Variants in MSRA observed in about 807,000 individuals in gnomAD.
MSRA encodes the protein mitochondrial peptide methionine sulfoxide reductase.
Under a neutral mutation model 31.3 loss-of-function variants are expected in MSRA, and 54 were observed. That is an observed-to-expected ratio of 1.73 (90% confidence interval 1.39 to 2.17). MSRA has a LOEUF of 2.17. Among genes scored for constraint, MSRA ranks in the 30% most tolerant of loss-of-function variants. The pLI is 0.00. For synonymous variants in MSRA, 169 were observed against 116.5 expected, an observed-to-expected ratio of 1.45 and a Z score of -2.90; for missense variants, 507 against 300.9, an observed-to-expected ratio of 1.69 and a Z score of -5.07.
At chr8:10,247,291 A>T (rs542567762) in intron 3 of MSRA, among the ~76,000 whole-genome samples, 213 of 152,274 alleles carry the variant, frequency 1.4e-3, no homozygotes, top group Non-Finnish European at 2.7e-3. Context: ...ACCTAAGGTC[A>T]TACCTAGCAG....
At chr8:10,218,313 T>G (rs1038123582) in intron 2 of MSRA, among the ~76,000 whole-genome samples, 35 of 151,960 alleles carry the variant, frequency 2.3e-4, no homozygotes, top group Non-Finnish European at 4.3e-4. Flanking sequence ...ACCTAGCCAA[T>G]TTTTGTATTT....
At chr8:10,386,216 AG>A (rs1368946228) in intron 5 of MSRA, among the ~76,000 whole-genome samples, 1 of 152,172 alleles carries the variant, frequency 6.6e-6, no homozygotes, top group East Asian at 1.9e-4. Flanking sequence ...GACCTCGGAG[AG>A]GGGAAACGAT....
chr8:10,235,495 C>G lies in MSRA; in HGVS notation c.212-9609C>G, dbSNP rs74779700. On this transcript the variant is annotated intron_variant, in intron 2 of 5. Coordinates refer to ENST00000317173, the MANE Select transcript of MSRA (RefSeq NM_012331.5). ...ATCAAGAAGGTAGGAAATGAGCAGA[C>G]TAACAGACCAAAAAGTAAACTGCAA... Among the ~76,000 whole-genome samples, 384 of 152,018 alleles carry G rather than the reference C, an allele frequency of 2.5e-3. 3 individuals carry two copies. Among genetic ancestry groups the G allele is most frequent in the African/African-American group, 8.5e-3 (352 of 41,498 alleles).
intron 2 of MSRA, among the ~76,000 whole-genome samples, chr8:10,211,287 G>A (rs1444470861): frequency 3.3e-5 from 5 of 152,240 alleles, no homozygotes; most frequent in Non-Finnish European, 5.9e-5. Context: ...ACTGTCGCTG[G>A]CATACAGTCT....
intron 5 of MSRA, among the ~76,000 whole-genome samples, chr8:10,424,036 C>T (rs958189933): frequency 4.6e-5 from 7 of 152,250 alleles, no homozygotes; most frequent in Non-Finnish European, 8.8e-5. Context: ...AATGCAGCGT[C>T]ATCAGCGCTG....
At chr8:10,423,192 C>A (rs760659032) in intron 5 of MSRA, among the ~76,000 whole-genome samples, 1 of 152,158 alleles carries the variant, frequency 6.6e-6, no homozygotes, top group African/African-American at 2.4e-5. Context: ...GGGTCCCCAC[C>A]CTCTTCCTCC....
intron 1 of MSRA, among the ~76,000 whole-genome samples, chr8:10,189,369 C>A (rs1278500882): frequency 6.6e-6 from 1 of 151,956 alleles, no homozygotes; most frequent in East Asian, 1.9e-4. Flanking sequence ...CTGACTAGGA[C>A]CTCACTACAA....
intron 1 of MSRA, among the ~76,000 whole-genome samples, chr8:10,159,218 G>A (rs75667500): frequency 1.3e-5 from 2 of 152,168 alleles, no homozygotes; most frequent in African/African-American, 2.4e-5. Flanking sequence ...ATTGGGGAGC[G>A]CTGAAACTGC....
chr8:10,283,602 C>T (rs1202658465), intron 3 of MSRA, among the ~76,000 whole-genome samples: 1 of 151,286 alleles, frequency 6.6e-6, no homozygotes, highest in Non-Finnish European at 1.5e-5. Context: ...CCTCCTCTTT[C>T]CCCCTGAGTC....
At chr8:10,129,549 T>C (rs1292773122) in intron 1 of MSRA, among the ~76,000 whole-genome samples, 1 of 152,014 alleles carries the variant, frequency 6.6e-6, no homozygotes, top group Admixed American at 6.6e-5. Flanking sequence ...AGCAGGACCT[T>C]GAGGAAGAGA....
intron 5 of MSRA, among the ~76,000 whole-genome samples, chr8:10,349,422 T>C (rs1181008810): frequency 1.3e-5 from 2 of 152,166 alleles, no homozygotes; most frequent in Non-Finnish European, 2.9e-5. Flanking sequence ...TTTTCCTTTT[T>C]TGTTTATTCT....
At chr8:10,212,263 A>T (rs914216553) in intron 2 of MSRA, among the ~76,000 whole-genome samples, 7 of 152,200 alleles carry the variant, frequency 4.6e-5, no homozygotes, top group Non-Finnish European at 7.3e-5. Flanking sequence ...CGAGAGTAAA[A>T]AGAGTGCTGT....
chr8:10,110,757 C>A (rs571335566), intron 1 of MSRA, among the ~76,000 whole-genome samples: 1 of 152,172 alleles, frequency 6.6e-6, no homozygotes, highest in Non-Finnish European at 1.5e-5. Flanking sequence ...TGTGGTGCTG[C>A]GATCTTTCTA....
chr8:10,369,707 A>G lies in MSRA; in HGVS notation c.543+49718A>G, dbSNP rs547060132. Among the ~76,000 whole-genome samples the G allele has an allele frequency of 7.2e-5, 11 of 152,354 alleles. No homozygotes were observed. In the East Asian group the frequency reaches 2.1e-3, roughly 29 times the overall value. On this transcript the variant is annotated intron_variant, in intron 5 of 5. Transcript: ENST00000317173. ...AATACGGGATAGGTAATGTTCATTA[A>G]TAGTCATTCTATTTGTGCATCATTG...
chr8:10,217,233 A>T (rs1810072437), intron 2 of MSRA, among the ~76,000 whole-genome samples: 1 of 152,226 alleles, frequency 6.6e-6, no homozygotes, highest in South Asian at 2.1e-4. Context: ...AGGACACTAT[A>T]TGTACTACAA....
In MSRA at chr8:10,244,900, T is replaced by C. The variant is rs113320351; in HGVS notation, c.212-204T>C. On this transcript the variant is annotated intron_variant, in intron 2 of 5. Transcript: ENST00000317173. ...TTTGCACAGCTAAAGCAAAGAGATATTCTATGCAAATAATTGTAAATAAAA... is the reference window on the plus strand; with the variant it reads ...TTTGCACAGCTAAAGCAAAGAGATACTCTATGCAAATAATTGTAAATAAAA... 7.9e-3 allele frequency among the ~76,000 whole-genome samples: 1,197 copies of C among 152,304 alleles called. 18 individuals are homozygous for C. Among genetic ancestry groups the C allele is most frequent in the African/African-American group, 0.028 (1,150 of 41,570 alleles).
At chr8:10,256,802 C>A (rs1310075466) in intron 3 of MSRA, among the ~76,000 whole-genome samples, 1 of 152,140 alleles carries the variant, frequency 6.6e-6, no homozygotes, top group Non-Finnish European at 1.5e-5. Context: ...CTCTGACCCC[C>A]TGAGTTTCAG....
intron 5 of MSRA, among the ~76,000 whole-genome samples, chr8:10,391,850 C>T (rs558779597): frequency 4.6e-5 from 7 of 152,312 alleles, no homozygotes; most frequent in African/African-American, 1.7e-4. Context: ...CTTTTAAATA[C>T]CGCATTTCAC....
intron 1 of MSRA, among the ~76,000 whole-genome samples, chr8:10,160,797 G>T (rs1804572360): frequency 6.6e-6 from 1 of 152,024 alleles, no homozygotes; most frequent in Admixed American, 6.5e-5. Context: ...CAAAGTGCTG[G>T]GATTACAGGC....
Sources: allele counts gnomAD v4.1 joint callset (sites outside exome capture counted in the v4.1 genomes callset), GRCh38; gene constraint gnomAD v4.1.1; transcripts MANE v1.5; gene names NCBI Gene and HGNC (gene_info 2026-07-23, HGNC 2026-07-21).